Variants in TIMMDC1 observed in about 807,000 individuals in gnomAD.
The protein encoded by TIMMDC1 is translocase of inner mitochondrial membrane domain containing 1, also known as complex I assembly factor TIMMDC1, mitochondrial.
In TIMMDC1, 25 loss-of-function variants were observed where a neutral mutation model predicts 32.6. That is an observed-to-expected ratio of 0.77 (90% CI 0.56 to 1.07). The LOEUF is 1.07. Among genes scored for constraint, TIMMDC1 ranks in the 50% least tolerant of loss-of-function variants. The probability of loss-of-function intolerance (pLI) is 0.00; values close to 1 mark genes in which losing one functional copy is unlikely to be tolerated. For synonymous variants in TIMMDC1, 130 were observed against 127.6 expected, an observed-to-expected ratio of 1.02 and a Z score of -0.13; for missense variants, 329 against 349.2, an observed-to-expected ratio of 0.94 and a Z score of 0.46.
chr3:119,499,886 A>G (rs1194234279), intron 1 of TIMMDC1, among the ~76,000 whole-genome samples: 1 of 152,200 alleles, frequency 6.6e-6, no homozygotes, highest in Admixed American at 6.5e-5. Flanking sequence ...GTTATTTTAG[A>G]TTGGCATGTG....
intron 6 of TIMMDC1, among the ~76,000 whole-genome samples, chr3:119,520,749 C>A (rs1233544988): frequency 1.3e-5 from 2 of 152,138 alleles, no homozygotes; most frequent in African/African-American, 4.8e-5. Context: ...TAGCATTACC[C>A]TTATACAACA....
rs1214313087 is a variant in TIMMDC1, at chr3:119,498,936, G to T, written c.194+9G>T. 1 of 1,613,672 alleles carries T rather than the reference G, an allele frequency of 6.2e-7. No individual in the cohort carries two copies. Among genetic ancestry groups the T allele is most frequent in the Non-Finnish European group, 8.5e-7 (1 of 1,179,648 alleles). ...GAGCTGTTTGGCAAAGAGTAAAAGTGCCTAGGGTGTGAAGTGGGGTAGGGG... is the reference window on the plus strand; with the variant it reads ...GAGCTGTTTGGCAAAGAGTAAAAGTTCCTAGGGTGTGAAGTGGGGTAGGGG... On this transcript the variant is annotated intron_variant, in intron 1 of 6. Transcript: ENST00000494664.
In TIMMDC1 at chr3:119,498,819, C is replaced by T; in HGVS notation, c.86C>T (p.Thr29Ile). 1 of 1,614,256 alleles carries T rather than the reference C, an allele frequency of 6.2e-7. No individual in the cohort carries two copies. The highest frequency in any genetic ancestry group is 8.5e-7 in the Non-Finnish European group (1 of 1,180,040). Residue 29 changes from threonine to isoleucine, a missense_variant, in exon 1 of 7, where the codon ACT (threonine) becomes ATT (isoleucine). By Grantham distance (89) the Thr-to-Ile change is moderately conservative. Transcript: ENST00000494664. ...CGAGTCTTTGCTGCCGAAGCTGTGA[C>T]TGCCGATTCGGAAGTCCTTGAGGAG... ...FPRVFAAEAV[T>I]ADSEVLEERQ...
Position 119,498,748 on chromosome 3 carries a change from A to G in TIMMDC1, c.15A>G (p.Pro5=). MEVP[P]PAPRSFLCRA... ...GAGAGAAGGCCATGGAGGTGCCGCC[A>G]CCGGCACCGCGGAGCTTTCTCTGTA... Residue 5 remains proline (P), a synonymous_variant, in exon 1 of 7, where the codon CCA becomes CCG. Coordinates refer to ENST00000494664, the MANE Select transcript of TIMMDC1 (RefSeq NM_016589.4). 6.2e-7 allele frequency: 1 copy of G among 1,614,218 alleles called. No individual in the cohort carries two copies.
chr3:119,517,169 C>A, intron 5 of TIMMDC1, 36 bp from the exon 6 acceptor site: 1 of 1,400,546 alleles, frequency 7.1e-7, no homozygotes, highest in Non-Finnish European at 1.0e-6. Flanking sequence ...TCTAATGACT[C>A]GTTTTTCCTA....
rs752078886 is a variant in TIMMDC1 at position 119,513,755 on chromosome 3, A to G, written c.596+36A>G. On this transcript the variant is annotated intron_variant, in intron 5 of 6. Transcript: ENST00000494664. ...ACATGGTTTGGTTCTAAATTGGCAC[A>G]ATTTTCATTAATACCTTGCCTATTA... The G allele has an allele frequency of 5.5e-6, 7 of 1,272,802 alleles. No homozygotes were observed. The East Asian group carries it at 1.2e-4, about 22-fold the overall frequency. 78.8% of individuals were successfully genotyped at this position (1,272,802 alleles called of 1,614,324 possible).
At chr3:119,522,054 T>G (rs1345101663) in intron 6 of TIMMDC1, among the ~76,000 whole-genome samples, 98 of 152,276 alleles carry the variant, frequency 6.4e-4, no homozygotes, top group Admixed American at 6.4e-3. Context: ...TCTTCCCTAC[T>G]AGGTATTTAT....
intron 4 of TIMMDC1, among the ~76,000 whole-genome samples, chr3:119,511,956 C>A (rs1402811143): frequency 6.6e-6 from 1 of 152,144 alleles, no homozygotes; most frequent in Non-Finnish European, 1.5e-5. Context: ...GTTTATGCAT[C>A]CTTTTTGAAT....
At position 119,524,705 on chromosome 3, in the gene TIMMDC1, C is replaced by T. The variant is rs969186278; in HGVS notation, c.*949C>T. 1 of 152,188 alleles carries T rather than the reference C, an allele frequency of 6.6e-6. No homozygotes were observed. Among genetic ancestry groups the T allele is most frequent in the Admixed American group, 6.5e-5 (1 of 15,276 alleles). The allele number at this position is 152,188 out of a possible 1,614,324, so 9.4% of individuals were successfully genotyped here. On this transcript the variant is annotated 3_prime_UTR_variant, in exon 7 of 7. Transcript: ENST00000494664. ...TGATTATCCCAGCTTAAGTTGCGTC[C>T]ACTTCTGGTCTAGTGAATTGTGGAA...
intron 2 of TIMMDC1, among the ~76,000 whole-genome samples, chr3:119,502,475 C>CA (rs34008753): frequency 0.85 from 129,145 of 152,020 alleles, 55,062 homozygotes; most frequent in African/African-American, 0.92. Context: ...AGCAGTTCAC[C>CA]CCCTCCTTGG....
intron 2 of TIMMDC1, 40 bp from the exon 3 acceptor site, chr3:119,503,492 A>T: frequency 6.7e-7 from 1 of 1,489,998 alleles, no homozygotes; most frequent in Non-Finnish European, 9.1e-7. Flanking sequence ...GGAAAATATG[A>T]TGGTGTCTTA....
chr3:119,503,812 C>A, intron 3 of TIMMDC1, 142 bp from the exon 4 acceptor site: 1 of 792,042 alleles, frequency 1.3e-6, no homozygotes, highest in Non-Finnish European at 2.0e-6. Context: ...ATGTCTGGAA[C>A]ACATTGAAGG....
At chr3:119,510,824 A>C (rs1442553082) in intron 4 of TIMMDC1, among the ~76,000 whole-genome samples, 1 of 152,230 alleles carries the variant, frequency 6.6e-6, no homozygotes, top group African/African-American at 2.4e-5. Context: ...TGTGTCTCTG[A>C]TTTCTGAGTA....
intron 4 of TIMMDC1, among the ~76,000 whole-genome samples, chr3:119,509,781 G>C (rs2081941802): frequency 6.6e-6 from 1 of 151,726 alleles, no homozygotes; most frequent in Non-Finnish European, 1.5e-5. Flanking sequence ...CACCTTCCGG[G>C]TTCAAGGGAT....
rs145900930 is a variant in TIMMDC1, at chr3:119,523,808, C to T, written c.*52C>T. 11,139 of 1,472,662 alleles carry T rather than the reference C, an allele frequency of 7.6e-3. 52 individuals are homozygous for T. The highest frequency in any genetic ancestry group is 8.7e-3 in the Non-Finnish European group (9,676 of 1,107,508). 91.2% of individuals were successfully genotyped at this position (1,472,662 alleles called of 1,614,324 possible). A position where few individuals can be genotyped will look rare whatever the true frequency, so the allele number is the denominator to read the frequency against. ...GAGAGCTGAAGGGAGCTGCCATGTC[C>T]GATGAATGCCAACAGACAGGCCACT... On this transcript the variant is annotated 3_prime_UTR_variant, in exon 7 of 7. Coordinates refer to ENST00000494664, the MANE Select transcript of TIMMDC1 (RefSeq NM_016589.4).
intron 4 of TIMMDC1, among the ~76,000 whole-genome samples, chr3:119,510,101 T>C (rs1386303206): frequency 1.3e-5 from 2 of 152,160 alleles, no homozygotes; most frequent in Admixed American, 6.5e-5. Context: ...AAAAAGGCAG[T>C]GCTTTTAGAT....
chr3:119,500,944 G>T, intron 2 of TIMMDC1, 84 bp downstream of exon 2: 2 of 1,393,968 alleles, frequency 1.4e-6, no homozygotes, highest in Non-Finnish European at 2.0e-6. Context: ...AGGTTGTGGG[G>T]ATGGAGGGTT....
intron 2 of TIMMDC1, among the ~76,000 whole-genome samples, chr3:119,502,579 G>A (rs1440339129): frequency 2.0e-5 from 3 of 151,552 alleles, no homozygotes; most frequent in African/African-American, 7.3e-5. Flanking sequence ...ATTTTTTGAG[G>A]CAGGGTCTTC....
chr3:119,506,054 C>T (rs2081917072), intron 4 of TIMMDC1, among the ~76,000 whole-genome samples: 1 of 152,124 alleles, frequency 6.6e-6, no homozygotes, highest in African/African-American at 2.4e-5. Context: ...TTTCCTGATC[C>T]TCAAACAACA....
Sources: allele counts gnomAD v4.1 joint callset (sites outside exome capture counted in the v4.1 genomes callset), GRCh38; gene constraint gnomAD v4.1.1; transcripts MANE v1.5; gene names NCBI Gene and HGNC (gene_info 2026-07-23, HGNC 2026-07-21).